The following PSTPIP2 variants were observed in gnomAD, a reference collection of about 807,000 sequenced individuals.
PSTPIP2 encodes the protein proline-serine-threonine phosphatase-interacting protein 2.
In PSTPIP2, 33 loss-of-function variants were observed where a neutral mutation model predicts 63.3. The ratio of observed to expected loss-of-function variants is 0.52; its 90% CI spans 0.40 to 0.70. The LOEUF (loss-of-function observed/expected upper bound fraction) is 0.70. Ranked by LOEUF, PSTPIP2 falls within the 30% of genes least tolerant of loss-of-function variation. PSTPIP2 has a pLI of 0.00. For missense variants in PSTPIP2, 312 were observed against 400.7 expected (o/e 0.78, Z 1.89); for synonymous variants, 125 against 132.7 (o/e 0.94, Z 0.40).
In PSTPIP2 at chr18:46,039,151, G is replaced by A. The variant is rs567331219; in HGVS notation, c.134+796C>T. Among the ~76,000 whole-genome samples the A allele has an allele frequency of 1.7e-3, 257 of 152,064 alleles. 1 individual carries two copies. Among genetic ancestry groups the A allele is most frequent in the African/African-American group, 4.7e-3 (196 of 41,478 alleles). On this transcript the variant is annotated intron_variant, in intron 2 of 14. Coordinates refer to ENST00000409746, the MANE Select transcript of PSTPIP2 (RefSeq NM_024430.4). ...AATCTTGGCAAGGATCCTGATCTTT[G>A]GCCCCAAATCCTCTTAACATATTCT...
rs372712319 is a variant in PSTPIP2, at chr18:46,011,130, C to A, written c.354+51G>T. 6.9e-6 allele frequency: 10 copies of A among 1,448,478 alleles called. No homozygotes were observed. In the African/African-American group the frequency reaches 9.8e-5, roughly 14 times the overall value. The allele number at this position is 1,448,478 out of a possible 1,614,324, so 89.7% of individuals were successfully genotyped here. On this transcript the variant is annotated intron_variant, in intron 5 of 14. Coordinates refer to ENST00000409746, the MANE Select transcript of PSTPIP2 (RefSeq NM_024430.4). ...GGAGTATAATGAACAAACAAGCCTG[C>A]GGTTTTCTATAGGAGGAAAGGAAAC...
chr18:46,063,929 C>A (rs1395910219), intron 1 of PSTPIP2, among the ~76,000 whole-genome samples: 1 of 152,186 alleles, frequency 6.6e-6, no homozygotes, highest in African/African-American at 2.4e-5. Flanking sequence ...CATCCTGGTT[C>A]TACATATCAA....
chr18:46,020,798 T>G (rs915478156), intron 3 of PSTPIP2, among the ~76,000 whole-genome samples: 1 of 152,206 alleles, frequency 6.6e-6, no homozygotes, highest in African/African-American at 2.4e-5. Flanking sequence ...CTCTCTGAGG[T>G]ATACTCTTAG....
intron 3 of PSTPIP2, 145 bp from the exon 4 acceptor site, chr18:46,016,082 A>G (rs2051850216): frequency 2.5e-6 from 2 of 813,074 alleles, no homozygotes; most frequent in Non-Finnish European, 3.9e-6. Context: ...AGAGACAGCA[A>G]AAGACCAAGA....
At chr18:45,997,010 A>T (rs1338120056) in intron 9 of PSTPIP2, among the ~76,000 whole-genome samples, 2 of 152,196 alleles carry the variant, frequency 1.3e-5, no homozygotes, top group South Asian at 2.1e-4. Context: ...GGCTCTCCAA[A>T]GATAATTACT....
intron 1 of PSTPIP2, among the ~76,000 whole-genome samples, chr18:46,059,189 A>G (rs1219534754): frequency 6.6e-6 from 1 of 151,736 alleles, no homozygotes; most frequent in African/African-American, 2.4e-5. Context: ...GGCACGCACG[A>G]CCATGCCCAG....
rs759459725 is a variant in PSTPIP2, at chr18:45,985,377, C to T, written c.*82G>A. ...TTCAAAGTCTTCATTGCTGACATAACGTGGCTATAGGTCCTGCTGCTCTGG... is the reference window on the plus strand; with the variant it reads ...TTCAAAGTCTTCATTGCTGACATAATGTGGCTATAGGTCCTGCTGCTCTGG... On this transcript the variant is annotated 3_prime_UTR_variant, in exon 15 of 15. Transcript: ENST00000409746. 7.0e-6 allele frequency: 11 copies of T among 1,574,952 alleles called. No individual in the cohort carries two copies. Among genetic ancestry groups the T allele is most frequent in the Non-Finnish European group, 9.5e-6 (11 of 1,154,584 alleles).
At chr18:46,032,981 A>G (rs1907837803) in intron 2 of PSTPIP2, among the ~76,000 whole-genome samples, 1 of 152,198 alleles carries the variant, frequency 6.6e-6, no homozygotes, top group African/African-American at 2.4e-5. Context: ...ATTTTACTGT[A>G]TATGCCATTC....
chr18:46,054,517 T>C (rs1472697984), intron 1 of PSTPIP2, among the ~76,000 whole-genome samples: 13 of 152,304 alleles, frequency 8.5e-5, no homozygotes, highest in East Asian at 1.9e-4. Context: ...TAATAATGTA[T>C]ACATACTGGT....
At chr18:46,058,450 G>A (rs1215958729) in intron 1 of PSTPIP2, among the ~76,000 whole-genome samples, 3 of 151,700 alleles carry the variant, frequency 2.0e-5, no homozygotes, top group Non-Finnish European at 4.4e-5. Context: ...TCCTCCTCCC[G>A]GGTTCAAGCA....
chr18:46,044,915 C>T (rs77283671), intron 1 of PSTPIP2, among the ~76,000 whole-genome samples: 45,363 of 152,022 alleles, frequency 0.3, 8,152 homozygotes, highest in Middle Eastern at 0.5. Flanking sequence ...AAAATGCTCA[C>T]CATCACTGGC....
At chr18:46,032,100 A>C (rs909886442) in intron 2 of PSTPIP2, among the ~76,000 whole-genome samples, 4 of 152,134 alleles carry the variant, frequency 2.6e-5, no homozygotes, top group African/African-American at 9.7e-5. Flanking sequence ...CCTACTACCT[A>C]TCTGAATTTT....
At position 45,985,258 on chromosome 18, in the gene PSTPIP2, A is replaced by G. The variant is rs757604557; in HGVS notation, c.*201T>C. The G allele has an allele frequency of 6.2e-6, 4 of 649,944 alleles. No individual in the cohort carries two copies. Among genetic ancestry groups the G allele is most frequent in the Non-Finnish European group, 7.6e-6 (3 of 393,160 alleles). The allele number at this position is 649,944 out of a possible 1,614,324, so 40.3% of individuals were successfully genotyped here. A position where few individuals can be genotyped will look rare whatever the true frequency, so the allele number is the denominator to read the frequency against. Reference sequence around the variant, plus strand: ...AATTCTTCAGAATGGGGCAATTTGTAAACTTCAAAAAACTGCAGAACTCTA... The same window carrying G: ...AATTCTTCAGAATGGGGCAATTTGTGAACTTCAAAAAACTGCAGAACTCTA... On this transcript the variant is annotated 3_prime_UTR_variant, in exon 15 of 15. Transcript: ENST00000409746.
chr18:46,059,013 T>G (rs572720384), intron 1 of PSTPIP2, among the ~76,000 whole-genome samples: 1 of 151,400 alleles, frequency 6.6e-6, no homozygotes, highest in East Asian at 2.0e-4. Context: ...GAAATCCTCT[T>G]AATTCTTTTT....
intron 9 of PSTPIP2, among the ~76,000 whole-genome samples, chr18:45,994,508 T>C (rs2051572495): frequency 6.6e-6 from 1 of 152,212 alleles, no homozygotes; most frequent in African/African-American, 2.4e-5. Context: ...ATTGCTGAGC[T>C]CTACCCCCAC....
intron 6 of PSTPIP2, among the ~76,000 whole-genome samples, chr18:46,001,170 A>G (rs1425713378): frequency 6.6e-6 from 1 of 152,162 alleles, no homozygotes; most frequent in East Asian, 1.9e-4. Flanking sequence ...AAATCTCCAT[A>G]CTGTTCTCCA....
intron 2 of PSTPIP2, among the ~76,000 whole-genome samples, chr18:46,026,831 C>T (rs1265037147): frequency 6.6e-6 from 1 of 151,858 alleles, no homozygotes; most frequent in Admixed American, 6.6e-5. Flanking sequence ...AAGGCTGCAG[C>T]GCACTATGAT....
At position 46,024,600 on chromosome 18, in the gene PSTPIP2, G is replaced by T; in HGVS notation, c.212+9C>A. The T allele has an allele frequency of 4.3e-6, 7 of 1,611,520 alleles. No individual in the cohort carries two copies. The South Asian group carries it at 7.7e-5, about 18-fold the overall frequency. ...CAACCTGGAAACCAGAAAAAAACTT[G>T]ATACATACTTGATTTCAGACTGTCC... On this transcript the variant is annotated intron_variant, in intron 3 of 14. Transcript: ENST00000409746.
chr18:46,063,744 A>G (rs1458530606), intron 1 of PSTPIP2, among the ~76,000 whole-genome samples: 1 of 152,226 alleles, frequency 6.6e-6, no homozygotes, highest in Admixed American at 6.5e-5. Flanking sequence ...TTACAAGAAA[A>G]TAACCAAATG....
Sources: gnomAD v4.1 joint callset for allele counts (sites outside exome capture counted in the v4.1 genomes callset) on GRCh38, gnomAD v4.1.1 for gene constraint, MANE v1.5 for transcripts, NCBI Gene and HGNC (gene_info 2026-07-23, HGNC 2026-07-21) for gene names.